The following AACS variants were observed in gnomAD, a reference collection of about 807,000 sequenced individuals.
The protein encoded by AACS is acetoacetyl-CoA synthetase, also known as acetoacetate-CoA ligase.
A neutral mutation model predicts 83.1 loss-of-function variants in AACS; 69 were observed. The ratio of observed to expected loss-of-function variants is 0.83; its 90% CI spans 0.68 to 1.01. The LOEUF (loss-of-function observed/expected upper bound fraction) is 1.01. AACS is among the 50% of genes least tolerant of loss of function. The probability of loss-of-function intolerance (pLI) is 0.00; values close to 1 mark genes in which losing one functional copy is unlikely to be tolerated. For synonymous variants in AACS, 333 were observed against 343.4 expected (o/e 0.97, Z 0.33); for missense variants, 866 against 882.2 (o/e 0.98, Z 0.23).
intron 12 of AACS, chr12:125,127,889 C>T (rs1417249737): frequency 1.8e-5 from 5 of 273,768 alleles, no homozygotes; most frequent in Non-Finnish European, 3.4e-5. Context: ...TGAATTTCAG[C>T]ATGACCACAG....
chr12:125,091,717 C>T (rs771311382), intron 5 of AACS, among the ~76,000 whole-genome samples, 194 bp downstream of exon 5: 8 of 152,232 alleles, frequency 5.3e-5, no homozygotes, highest in East Asian at 1.9e-4. Context: ...GCAGTCCTGA[C>T]GTTCCCCCAC....
At chr12:125,134,368 C>CCCT (rs1168342799) in intron 15 of AACS, among the ~76,000 whole-genome samples, 32 of 152,344 alleles carry the variant, frequency 2.1e-4, no homozygotes, top group Admixed American at 2.0e-4. Context: ...GGCTGACTGT[C>CCCT]CCTCATCTTG....
intron 2 of AACS, among the ~76,000 whole-genome samples, chr12:125,074,294 A>G (rs1401954521): frequency 6.6e-6 from 1 of 152,172 alleles, no homozygotes; most frequent in Admixed American, 6.5e-5. Context: ...GCTCACACCT[A>G]TAATCCCAGC....
intron 3 of AACS, among the ~76,000 whole-genome samples, chr12:125,085,090 G>T (rs564681786): frequency 9.2e-5 from 14 of 152,318 alleles, no homozygotes; most frequent in African/African-American, 3.1e-4. Context: ...GGTGGTGTAG[G>T]GGTCAGGGAT....
chr12:125,090,230 T>TCCATTCATC (rs370458772), intron 4 of AACS, among the ~76,000 whole-genome samples: 1 of 113,348 alleles, frequency 8.8e-6, no homozygotes, highest in African/African-American at 3.6e-5. Context: ...CATCCATTTA[T>TCCATTCATC]TATGCTTCCA....
Position 125,134,243 on chromosome 12 carries a change from C to T in AACS, c.1619+171C>T, listed in dbSNP as rs546793912. Reference sequence around the variant, plus strand: ...CACACCTCTGCTGGTGTCTGGGACCCCCCAGCCCCCACCGGCTGGTGCGCC... The same window carrying T: ...CACACCTCTGCTGGTGTCTGGGACCTCCCAGCCCCCACCGGCTGGTGCGCC... On this transcript the variant is annotated intron_variant, in intron 15 of 17. Transcript: ENST00000316519. 5.6e-3 allele frequency among the ~76,000 whole-genome samples: 847 copies of T among 152,316 alleles called. 5 individuals are homozygous for T. Among genetic ancestry groups the T allele is most frequent in the Non-Finnish European group, 9.9e-3 (671 of 68,018 alleles).
intron 4 of AACS, among the ~76,000 whole-genome samples, 171 bp downstream of exon 4, chr12:125,086,614 G>A (rs191778103): frequency 2.0e-5 from 3 of 152,308 alleles, no homozygotes; most frequent in Admixed American, 1.3e-4. Flanking sequence ...GAAAATTGCT[G>A]AAAGAATATG....
rs1956988262 is a variant in AACS at position 125,113,181 on chromosome 12, C to T, written c.916-1296C>T. Among the ~76,000 whole-genome samples the T allele has an allele frequency of 6.6e-6, 1 of 152,226 alleles. No individual in the cohort carries two copies. Among genetic ancestry groups the T allele is most frequent in the Non-Finnish European group, 1.5e-5 (1 of 68,042 alleles). ...GAGCCTGTGTTGGATAGGATTGTTC[C>T]TGGTGAGCTCTTAAAGGGATCATCT... is the stretch of plus-strand genomic sequence containing the variant. On this transcript the variant is annotated intron_variant, in intron 8 of 17. Transcript: ENST00000316519. This position sits in a 1 kb window ranked among gnomAD's most constrained non-coding sequence, Gnocchi z 4.8.
rs1032182693 is a variant in AACS at position 125,065,471 on chromosome 12, G to C, written c.-114G>C. 119 of 1,197,202 alleles carry C rather than the reference G, an allele frequency of 9.9e-5. 1 individual carries two copies. In the African/African-American group the frequency reaches 1.7e-3, roughly 17 times the overall value. 74.2% of individuals were successfully genotyped at this position (1,197,202 alleles called of 1,614,324 possible). On this transcript the variant is annotated 5_prime_UTR_variant, in exon 1 of 18. Transcript: ENST00000316519. ...CCCCGCCGCCGCCGTCGCTGACCCAGCCCGCCAGGCGCTCCTGACCGTCGC... is the reference window on the plus strand; with the variant it reads ...CCCCGCCGCCGCCGTCGCTGACCCACCCCGCCAGGCGCTCCTGACCGTCGC...
rs1025079747 is a variant in AACS, at chr12:125,075,133, C to T, written c.237+1154C>T. On this transcript the variant is annotated intron_variant, in intron 2 of 17. Transcript: ENST00000316519. ...GGGATTACAGGCATGCGCCACCACG[C>T]CCAGCCAATTTTTGTATTTTTAGTA... Among the ~76,000 whole-genome samples, 2 of 151,814 alleles carry T rather than the reference C, an allele frequency of 1.3e-5. 1 individual carries two copies. The highest frequency in any genetic ancestry group is 2.9e-5 in the Non-Finnish European group (2 of 67,984).
chr12:125,072,991 G>A (rs558725803), intron 1 of AACS, among the ~76,000 whole-genome samples: 2 of 135,096 alleles, frequency 1.5e-5, no homozygotes, highest in African/African-American at 2.8e-5. Context: ...GCAGTGGCGC[G>A]ATCTCGGCTC....
rs1344400702 is a variant in AACS at position 125,142,232 on chromosome 12, C to CA, written c.*4dup. ...TCCCTGAGCTGCAGGGCTTCTGAGT[C>CA]AGACTGGCTGGCGTGTCACTCAGCC... On this transcript the variant is annotated 3_prime_UTR_variant, in exon 18 of 18. Coordinates refer to ENST00000316519, the MANE Select transcript of AACS (RefSeq NM_023928.5). 6.2e-6 allele frequency: 10 copies of CA among 1,613,426 alleles called. No individual in the cohort carries two copies. Among genetic ancestry groups the CA allele is most frequent in the Non-Finnish European group, 8.5e-6 (10 of 1,179,622 alleles).
At chr12:125,101,995 G>C (rs1380522468) in intron 5 of AACS, 1 of 148,190 alleles carries the variant, frequency 6.7e-6, no homozygotes, top group African/African-American at 2.5e-5. Context: ...TTGAACTCCT[G>C]ACCTCATGAT....
intron 8 of AACS, among the ~76,000 whole-genome samples, chr12:125,111,195 G>A (rs530287117): frequency 6.6e-6 from 1 of 152,076 alleles, no homozygotes; most frequent in South Asian, 2.1e-4. Context: ...ACAGACTAAG[G>A]TGTAGTTGGA....
intron 16 of AACS, among the ~76,000 whole-genome samples, chr12:125,135,137 C>CTT (rs746998324): frequency 2.1e-5 from 3 of 144,326 alleles, no homozygotes; most frequent in African/African-American, 5.0e-5. Context: ...TCTATCTACT[C>CTT]TTTTTTTTTT....
In AACS at chr12:125,072,926, T is replaced by G. The variant is rs9788258; in HGVS notation, c.134-950T>G. ...TTTTACCATGTAACTTTTGTTTTTT[T>G]TTTTTTTTTTTTTTTTTTTGAGATG... On this transcript the variant is annotated intron_variant, in intron 1 of 17. Transcript: ENST00000316519. 7.7e-4 allele frequency among the ~76,000 whole-genome samples: 80 copies of G among 104,460 alleles called. 1 individual carries two copies. Among genetic ancestry groups the G allele is most frequent in the Middle Eastern group, 8.8e-3 (2 of 226 alleles). 68.5% of individuals were successfully genotyped at this position (104,460 alleles called of 152,430 possible). A position where few individuals can be genotyped will look rare whatever the true frequency, so the allele number is the denominator to read the frequency against.
rs755789035 is a variant in AACS at position 125,142,254 on chromosome 12, A to G, written c.*25A>G. On this transcript the variant is annotated 3_prime_UTR_variant, in exon 18 of 18. Transcript: ENST00000316519. ...AGTCAGACTGGCTGGCGTGTCACTCAGCCGCACCCGTGTGCACTGTAACTT... is the reference window on the plus strand; with the variant it reads ...AGTCAGACTGGCTGGCGTGTCACTCGGCCGCACCCGTGTGCACTGTAACTT... The G allele has an allele frequency of 3.1e-6, 5 of 1,612,590 alleles. No individual in the cohort carries two copies. The highest frequency in any genetic ancestry group is 4.2e-6 in the Non-Finnish European group (5 of 1,178,912).
chr12:125,089,875 C>T (rs1337527761), intron 4 of AACS, among the ~76,000 whole-genome samples: 2 of 144,506 alleles, frequency 1.4e-5, no homozygotes, highest in African/African-American at 5.1e-5. Context: ...CCTGTCTATA[C>T]ATTCTTCTCT....
intron 12 of AACS, chr12:125,127,161 G>C (rs903230283): frequency 2.0e-5 from 3 of 151,720 alleles, no homozygotes; most frequent in African/African-American, 7.3e-5. Flanking sequence ...GGTGCCATTT[G>C]CCCGAAGCCT....
Sources: allele counts gnomAD v4.1 joint callset (sites outside exome capture counted in the v4.1 genomes callset), GRCh38; gene constraint gnomAD v4.1.1; non-coding constraint Gnocchi (gnomAD v3.1); transcripts MANE v1.5; gene names NCBI Gene and HGNC (gene_info 2026-07-23, HGNC 2026-07-21).